The following PCDH9 variants were observed in gnomAD, a reference collection of about 807,000 sequenced individuals.
The protein encoded by PCDH9 is protocadherin 9, also known as protocadherin-9.
In PCDH9, 24 loss-of-function variants were observed where a neutral mutation model predicts 70.6. The observed-to-expected ratio is 0.34, with a 90% CI of 0.25 to 0.48. PCDH9 has a LOEUF of 0.48. Among genes scored for constraint, PCDH9 ranks in the 20% least tolerant of loss-of-function variants. The pLI is 0.99. For synonymous variants in PCDH9, 562 were observed against 558.5 expected, an observed-to-expected ratio of 1.01 and a Z score of -0.09; for missense variants, 1,281 against 1,503.6, an observed-to-expected ratio of 0.85 and a Z score of 2.45.
At chr13:67,179,469 T>A (rs1351935536) in intron 2 of PCDH9, among the ~76,000 whole-genome samples, 1 of 152,088 alleles carries the variant, frequency 6.6e-6, no homozygotes, top group Non-Finnish European at 1.5e-5. Flanking sequence ...ACACAACTGC[T>A]CAATGACTAT....
intron 4 of PCDH9, among the ~76,000 whole-genome samples, chr13:66,466,334 C>A (rs1044905131): frequency 9.2e-5 from 14 of 152,084 alleles, no homozygotes; most frequent in Non-Finnish European, 2.1e-4. Flanking sequence ...CTTCACACCT[C>A]TCACTTCTCC....
At chr13:66,373,640 CA>C (rs1956699042) in intron 4 of PCDH9, among the ~76,000 whole-genome samples, 1 of 151,956 alleles carries the variant, frequency 6.6e-6, no homozygotes, top group South Asian at 2.1e-4. Flanking sequence ...GAATGTCAAA[CA>C]GAAATGACCT....
chr13:66,987,746 AT>A (rs2083922261), intron 2 of PCDH9, among the ~76,000 whole-genome samples: 1 of 151,794 alleles, frequency 6.6e-6, no homozygotes, highest in African/African-American at 2.4e-5. Flanking sequence ...AGGCTGGGAG[AT>A]ATTCTTATGG....
chr13:66,751,863 GA>G (rs753456174), intron 3 of PCDH9, among the ~76,000 whole-genome samples: 1 of 152,172 alleles, frequency 6.6e-6, no homozygotes, highest in Non-Finnish European at 1.5e-5. Flanking sequence ...TGCTAAACAG[GA>G]GTGCAGTGAA....
intron 2 of PCDH9, among the ~76,000 whole-genome samples, chr13:67,040,815 T>G (rs1174224090): frequency 6.6e-6 from 1 of 152,044 alleles, no homozygotes; most frequent in African/African-American, 2.4e-5. Flanking sequence ...AAAGTATAGT[T>G]TATAACAATA....
chr13:66,458,985 C>A (rs1452553669), intron 4 of PCDH9, among the ~76,000 whole-genome samples: 1 of 151,924 alleles, frequency 6.6e-6, no homozygotes, highest in Non-Finnish European at 1.5e-5. Flanking sequence ...GAAATGAAAG[C>A]AATATGTTTT....
intron 2 of PCDH9, among the ~76,000 whole-genome samples, chr13:66,962,225 C>G (rs898703988): frequency 5.9e-5 from 9 of 152,110 alleles, no homozygotes; most frequent in Admixed American, 2.6e-4. Flanking sequence ...TGATGTATGA[C>G]TAAGAATTTT....
intron 2 of PCDH9, among the ~76,000 whole-genome samples, chr13:66,910,708 G>A (rs2082448279): frequency 6.6e-6 from 1 of 152,008 alleles, no homozygotes; most frequent in Admixed American, 6.5e-5. Context: ...ATCATAGGCT[G>A]GCTGACATTT....
intron 3 of PCDH9, among the ~76,000 whole-genome samples, chr13:66,720,292 C>T (rs991035902): frequency 6.6e-5 from 10 of 150,846 alleles, no homozygotes; most frequent in South Asian, 2.1e-4. Flanking sequence ...TTTACAGGCA[C>T]GTGCTACCAT....
At chr13:66,918,175 C>A (rs2082585273) in intron 2 of PCDH9, among the ~76,000 whole-genome samples, 1 of 151,186 alleles carries the variant, frequency 6.6e-6, no homozygotes, top group South Asian at 2.1e-4. Flanking sequence ...CTAAAGTAAA[C>A]AGATGTTTTG....
chr13:67,120,694 T>C (rs1174783964), intron 2 of PCDH9, among the ~76,000 whole-genome samples: 8 of 152,174 alleles, frequency 5.3e-5, no homozygotes, highest in African/African-American at 1.9e-4. Context: ...TGACAAAAAT[T>C]AGGTTTTATT....
At chr13:66,477,726 A>G (rs2138500516) in intron 4 of PCDH9, among the ~76,000 whole-genome samples, 1 of 152,354 alleles carries the variant, frequency 6.6e-6, no homozygotes, top group East Asian at 1.9e-4. Flanking sequence ...TTATCAATAT[A>G]AATCACATGC....
intron 3 of PCDH9, among the ~76,000 whole-genome samples, chr13:66,867,877 T>C (rs9529150): frequency 0.31 from 46,401 of 151,768 alleles, 8,579 homozygotes; most frequent in East Asian, 0.51. Context: ...AAATCAAGCA[T>C]AAAAAGCCTC....
At chr13:67,060,290 T>C (rs2085513694) in intron 2 of PCDH9, among the ~76,000 whole-genome samples, 1 of 152,068 alleles carries the variant, frequency 6.6e-6, no homozygotes, top group Non-Finnish European at 1.5e-5. Context: ...CTATGCATTA[T>C]TACTCCCATT....
intron 3 of PCDH9, among the ~76,000 whole-genome samples, chr13:66,655,753 G>A (rs2077919533): frequency 6.6e-6 from 1 of 152,052 alleles, no homozygotes; most frequent in African/African-American, 2.4e-5. Flanking sequence ...CAGCAAGAAT[G>A]ATATCTTTTG....
rs1164785808 is a variant in PCDH9, at chr13:66,329,008, T to G, written c.3341-23980A>C. Among the ~76,000 whole-genome samples the G allele has an allele frequency of 2.0e-5, 3 of 152,210 alleles. No homozygotes were observed. The East Asian group carries it at 5.8e-4, about 29-fold the overall frequency. ...TAACAGCATTCCACTTACCTTTTCT[T>G]TTCTTATTTTCACGAAAATAAGTTA... On this transcript the variant is annotated intron_variant, in intron 4 of 4. Transcript: ENST00000377865.
chr13:66,695,820 G>C (rs2078555468), intron 3 of PCDH9, among the ~76,000 whole-genome samples: 1 of 152,208 alleles, frequency 6.6e-6, no homozygotes. Flanking sequence ...CATAATATTA[G>C]TTTAATTATA....
chr13:67,174,879 C>A (rs556749961), intron 2 of PCDH9, among the ~76,000 whole-genome samples: 3 of 150,664 alleles, frequency 2.0e-5, no homozygotes, highest in African/African-American at 7.3e-5. Context: ...GTCTTTAAAT[C>A]TCACCATTTT....
chr13:66,705,006 A>G (rs2078693191), intron 3 of PCDH9, among the ~76,000 whole-genome samples: 1 of 152,028 alleles, frequency 6.6e-6, no homozygotes, highest in East Asian at 1.9e-4. Flanking sequence ...GCAAATTTTT[A>G]TTTTTTTGAA....
Sources: allele counts gnomAD v4.1 joint callset (sites outside exome capture counted in the v4.1 genomes callset), GRCh38; gene constraint gnomAD v4.1.1; transcripts MANE v1.5; gene names NCBI Gene and HGNC (gene_info 2026-07-23, HGNC 2026-07-21).